The following SEC13 variants were observed in gnomAD, a reference collection of about 807,000 sequenced individuals.
SEC13 encodes protein SEC13 homolog.
In SEC13, 25 loss-of-function variants were observed where a neutral mutation model predicts 49.2. That is an observed-to-expected ratio of 0.51 (90% CI 0.37 to 0.71). The LOEUF is 0.71. Ranked by LOEUF, SEC13 falls within the 30% of genes least tolerant of loss-of-function variation. SEC13 has a pLI of 0.00. For synonymous variants in SEC13, 148 were observed against 163.9 expected (o/e 0.90, Z 0.74); for missense variants, 383 against 417.6 (o/e 0.92, Z 0.72).
chr3:10,318,678 G>A (rs1460955513), intron 1 of SEC13, among the ~76,000 whole-genome samples: 1 of 152,190 alleles, frequency 6.6e-6, no homozygotes, highest in Non-Finnish European at 1.5e-5. Flanking sequence ...AGTGTTTCCT[G>A]AGGCTGCTCC....
intron 7 of SEC13, 119 bp from the exon 8 acceptor site, chr3:10,304,291 A>T (rs958662882): frequency 9.8e-7 from 1 of 1,019,568 alleles, no homozygotes; most frequent in Non-Finnish European, 1.5e-6. Context: ...GGGGGATTCA[A>T]AGGGGAGCCG....
At position 10,321,093 on chromosome 3, in the gene SEC13, T is replaced by G. The variant is rs769825980; in HGVS notation, c.-41A>C. The G allele has an allele frequency of 9.3e-6, 15 of 1,612,118 alleles. No homozygotes were observed. Among genetic ancestry groups the G allele is most frequent in the Middle Eastern group, 1.7e-4 (1 of 6,054 alleles). On this transcript the variant is annotated 5_prime_UTR_variant, in exon 1 of 9. Transcript: ENST00000350697. This position sits in a 1 kb window ranked among gnomAD's most constrained non-coding sequence, Gnocchi z 4.1. The stretch of plus-strand genomic sequence containing the variant: ...TGCTCCAGGTCTCGGACGTGGCAGC[T>G]CCCGGCGGCGCCTCGGAACAGCTCA...
intron 1 of SEC13, among the ~76,000 whole-genome samples, chr3:10,320,148 C>G (rs772586342): frequency 6.6e-6 from 1 of 152,076 alleles, no homozygotes; most frequent in Non-Finnish European, 1.5e-5. Flanking sequence ...TTAGGATGAG[C>G]TGAATGTCAG....
At chr3:10,311,939 G>A (rs374733485) in intron 5 of SEC13, 26 bp downstream of exon 5, 118 of 1,613,978 alleles carry the variant, frequency 7.3e-5, no homozygotes, top group Non-Finnish European at 8.6e-5. Flanking sequence ...CGCTCTCACT[G>A]CACGAAAGGC....
At chr3:10,317,452 C>T (rs555517941) in intron 2 of SEC13, among the ~76,000 whole-genome samples, 21 of 152,264 alleles carry the variant, frequency 1.4e-4, no homozygotes, top group Middle Eastern at 3.4e-3. Flanking sequence ...GTTTTTCCTG[C>T]GGTAGACTTT....
chr3:10,316,932 C>T (rs1359884110), intron 2 of SEC13, among the ~76,000 whole-genome samples: 2 of 142,752 alleles, frequency 1.4e-5, no homozygotes, highest in Admixed American at 7.6e-5. Flanking sequence ...ACCCGGGAGG[C>T]GTAGGTTGCG....
intron 5 of SEC13, among the ~76,000 whole-genome samples, chr3:10,308,802 T>C (rs2125258654): frequency 6.6e-6 from 1 of 150,426 alleles, no homozygotes; most frequent in East Asian, 1.9e-4. Flanking sequence ...TTTTTTTTTT[T>C]TTTTTTTTTT....
At chr3:10,316,505 T>C (rs1204816815) in intron 2 of SEC13, among the ~76,000 whole-genome samples, 1 of 152,138 alleles carries the variant, frequency 6.6e-6, no homozygotes, top group Non-Finnish European at 1.5e-5. Flanking sequence ...CTTCTCATGC[T>C]TCTCAGTGGA....
chr3:10,317,019 A>G (rs1361994829), intron 2 of SEC13, among the ~76,000 whole-genome samples: 2 of 151,780 alleles, frequency 1.3e-5, no homozygotes, highest in African/African-American at 2.4e-5. Flanking sequence ...AAAAAAAAAA[A>G]AAAGAAAAGT....
Position 10,315,360 on chromosome 3 carries a change from A to C in SEC13, c.125T>G (p.Val42Gly). 1 of 1,613,920 alleles carries C rather than the reference A, an allele frequency of 6.2e-7. No individual in the cohort carries two copies. The highest frequency in any genetic ancestry group is 8.5e-7 in the Non-Finnish European group (1 of 1,179,962). Residue 42 changes from valine (V) to glycine (G), a missense_variant, in exon 3 of 9, where the codon GTG becomes GGG. Physicochemically the swap from Val to Gly is moderately radical, Grantham distance 109 (BLOSUM62 -3). Transcript: ENST00000350697. ...SSDRSVKIFD[V>G]RNGGQILIAD... ...GATAAGGATCTGCCCTCCATTGCGC[A>C]CATCAAAGATTTTGACGGACCTGTC... is the stretch of plus-strand genomic sequence containing the variant.
chr3:10,305,312 T>TA (rs34924741), intron 6 of SEC13, 156 bp from the exon 7 acceptor site: 550,194 of 1,161,596 alleles, frequency 0.47, 132,102 homozygotes, highest in African/African-American at 0.64. Flanking sequence ...ACCCCAGCTG[T>TA]AAAAAAAACC....
intron 5 of SEC13, among the ~76,000 whole-genome samples, chr3:10,307,728 T>C (rs1700979483): frequency 6.6e-6 from 1 of 152,128 alleles, no homozygotes; most frequent in African/African-American, 2.4e-5. Flanking sequence ...AAAATGAGAT[T>C]TGGGTGGGGA....
intron 2 of SEC13, 35 bp from the exon 3 acceptor site, chr3:10,315,471 CTGGGTGGGTGGG>C: frequency 2.6e-4 from 3 of 11,482 alleles, no homozygotes; most frequent in African/African-American, 1.7e-3. Flanking sequence ...AGCCTGCAGG[CTGGGTGGGTGGG>C]TGGGTGGGGT....
At chr3:10,306,209 A>T (rs1393216493) in intron 5 of SEC13, among the ~76,000 whole-genome samples, 3 of 152,022 alleles carry the variant, frequency 2.0e-5, no homozygotes, top group Non-Finnish European at 4.4e-5. Context: ...TGTTTTTTAC[A>T]TCTCCTACTT....
At chr3:10,306,917 T>C (rs1700912249) in intron 5 of SEC13, among the ~76,000 whole-genome samples, 1 of 152,184 alleles carries the variant, frequency 6.6e-6, no homozygotes, top group East Asian at 1.9e-4. Context: ...CAGTCTTGGG[T>C]ATGTCTTTGC....
intron 1 of SEC13, among the ~76,000 whole-genome samples, chr3:10,319,588 A>G (rs2059728092): frequency 6.6e-6 from 1 of 152,018 alleles, no homozygotes; most frequent in African/African-American, 2.4e-5. Context: ...GCCTGTCTAG[A>G]ATGTAAAGCA....
At chr3:10,311,788 T>G in intron 5 of SEC13, 177 bp downstream of exon 5, 1 of 1,455,542 alleles carries the variant, frequency 6.9e-7, no homozygotes, top group African/African-American at 1.4e-5. Context: ...CCCTGCCTGG[T>G]CTGGCTTCAG....
Position 10,321,032 on chromosome 3 carries a change from C to G in SEC13, c.3+18G>C, listed in dbSNP as rs776643674. 6.2e-7 allele frequency: 1 copy of G among 1,612,218 alleles called. No homozygotes were observed. Among genetic ancestry groups the G allele is most frequent in the East Asian group, 2.2e-5 (1 of 44,684 alleles). On this transcript the variant is annotated intron_variant, in intron 1 of 8. Coordinates refer to ENST00000350697, the MANE Select transcript of SEC13 (RefSeq NM_183352.3). The surrounding 1 kb of genome is among the most constrained non-coding windows in gnomAD (Gnocchi z 4.1). Reference sequence around the variant, plus strand: ...CGTGGCCTTCACCCTGCTAGGCCTCCTCAGTACCAACACTCACCATGATTG... The same window carrying G: ...CGTGGCCTTCACCCTGCTAGGCCTCGTCAGTACCAACACTCACCATGATTG...
intron 3 of SEC13, chr3:10,314,991 G>T (rs1480357524): frequency 1.6e-5 from 4 of 254,802 alleles, no homozygotes; most frequent in Non-Finnish European, 3.1e-5. Context: ...ACACTAGCTG[G>T]ATAGGAGGTA....
Sources: gnomAD v4.1 joint callset for allele counts (sites outside exome capture counted in the v4.1 genomes callset) on GRCh38, gnomAD v4.1.1 for gene constraint, Gnocchi (gnomAD v3.1) non-coding constraint, MANE v1.5 for transcripts, NCBI Gene and HGNC (gene_info 2026-07-23, HGNC 2026-07-21) for gene names.